CLASP1: variants seen among roughly 807,000 people sequenced by gnomAD.
CLASP1 encodes the protein CLIP-associating protein 1.
In CLASP1, 38 loss-of-function variants were observed where a neutral mutation model predicts 192.3. The observed-to-expected ratio is 0.20, with a 90% CI of 0.15 to 0.26. The LOEUF is 0.26. CLASP1 is among the 10% of genes least tolerant of loss of function. The pLI, the probability that CLASP1 is intolerant of heterozygous loss-of-function variation, is 1.00. For synonymous variants in CLASP1, 691 were observed against 712.8 expected (o/e 0.97, Z 0.49); for missense variants, 1,433 against 1,932.5 (o/e 0.74, Z 4.85).
At chr2:121,433,388 T>C (rs967002818) in intron 19 of CLASP1, among the ~76,000 whole-genome samples, 2 of 151,854 alleles carry the variant, frequency 1.3e-5, no homozygotes, top group African/African-American at 4.8e-5. Flanking sequence ...ATCATAAATG[T>C]TTGAATTTTT....
chr2:121,614,605 A>G (rs1354782483), intron 1 of CLASP1, among the ~76,000 whole-genome samples: 1 of 152,252 alleles, frequency 6.6e-6, no homozygotes, highest in Admixed American at 6.5e-5. Context: ...TCTAACACGT[A>G]TGTACTCAAT....
At chr2:121,345,092 G>C (rs949365256) in intron 39 of CLASP1, among the ~76,000 whole-genome samples, 1 of 152,218 alleles carries the variant, frequency 6.6e-6, no homozygotes, top group South Asian at 2.1e-4. Flanking sequence ...CTGGGAGACA[G>C]AGGTTGTCTG....
At chr2:121,593,626 CA>C (rs61315745) in intron 2 of CLASP1, among the ~76,000 whole-genome samples, 115 of 50,738 alleles carry the variant, frequency 2.3e-3, no homozygotes, top group East Asian at 0.014. Context: ...AACTCCGTCT[CA>C]AAAAAAAAAA....
intron 2 of CLASP1, among the ~76,000 whole-genome samples, chr2:121,581,637 C>T (rs977315355): frequency 2.0e-5 from 3 of 152,188 alleles, no homozygotes; most frequent in Non-Finnish European, 4.4e-5. Flanking sequence ...ATAATCCCAA[C>T]ACTTTGGAAG....
intron 8 of CLASP1, chr2:121,470,816 C>G (rs962515904): frequency 4.1e-6 from 1 of 243,006 alleles, no homozygotes; most frequent in African/African-American, 2.3e-5. Flanking sequence ...CTCATCCTTC[C>G]ACACCATTGC....
At chr2:121,609,849 G>A (rs942870370) in intron 1 of CLASP1, among the ~76,000 whole-genome samples, 2 of 152,192 alleles carry the variant, frequency 1.3e-5, no homozygotes, top group South Asian at 4.1e-4. Context: ...GCTGAGGCAG[G>A]AGAATCGCTT....
rs2092166753 is a variant in CLASP1 at position 121,478,844 on chromosome 2, CACACCACACACCACACCA to C, written c.713-8902_713-8885del. On this transcript the variant is annotated intron_variant, in intron 8 of 39. Transcript: ENST00000263710. ...ACAACCACACACCACACACCACACA[CACACCACACACCACACCA>C]CACACACACCACACCACACACACAC... Among the ~76,000 whole-genome samples the C allele has an allele frequency of 2.7e-5, 2 of 72,856 alleles. 1 individual carries two copies. The highest frequency in any genetic ancestry group is 1.6e-4 in the African/African-American group (2 of 12,172). 47.8% of individuals were successfully genotyped at this position (72,856 alleles called of 152,430 possible).
At chr2:121,450,971 C>T in exon 16 of CLASP1, 1 of 1,603,302 alleles carries the variant, frequency 6.2e-7, no homozygotes, top group Middle Eastern at 1.7e-4. Flanking sequence ...TTTATTGTTT[C>T]AGCTAATACT....
intron 39 of CLASP1, among the ~76,000 whole-genome samples, chr2:121,343,432 C>T (rs2063033384): frequency 2.0e-5 from 3 of 151,328 alleles, no homozygotes; most frequent in African/African-American, 7.3e-5. Flanking sequence ...GGTCTATCAA[C>T]AGATGAGCAG....
At position 121,450,965 on chromosome 2, in the gene CLASP1, T is replaced by C. The variant is rs957435710; in HGVS notation, c.1471A>G (p.Ile491Val). ...TCAGCATCATGTATTCCCTTCTTTA[T>C]TGTTTCAGCTAATACTGATATGTGT... is the stretch of plus-strand genomic sequence containing the variant. The change falls in exon 16 of 40, where the codon ATA becomes GTA. Residue 491 changes from isoleucine (I) to valine (V), a missense_variant. Transcript: ENST00000263710. The C allele has an allele frequency of 2.5e-6, 4 of 1,608,662 alleles. No homozygotes were observed. In the African/African-American group the frequency reaches 4.0e-5, roughly 16 times the overall value.
chr2:121,403,339 C>T (rs980199850), intron 26 of CLASP1: 1 of 452,384 alleles, frequency 2.2e-6, no homozygotes. Flanking sequence ...AGAGCAGGTA[C>T]TCAGTAAATG....
At chr2:121,585,027 GA>G (rs1262384809) in intron 2 of CLASP1, among the ~76,000 whole-genome samples, 1 of 152,150 alleles carries the variant, frequency 6.6e-6, no homozygotes, top group Non-Finnish European at 1.5e-5. Context: ...TTCTACACAT[GA>G]ACTCTTTTAC....
intron 20 of CLASP1, 77 bp from the exon 21 acceptor site, chr2:121,427,507 G>A: frequency 7.6e-6 from 11 of 1,454,732 alleles, no homozygotes; most frequent in Non-Finnish European, 1.1e-5. Context: ...AGGTCAGCAT[G>A]CAACACAACA....
chr2:121,502,710 T>A (rs1285294779), intron 8 of CLASP1, among the ~76,000 whole-genome samples: 1 of 152,272 alleles, frequency 6.6e-6, no homozygotes, highest in South Asian at 2.1e-4. Flanking sequence ...CTGGGTGTGA[T>A]GGGAAGTCTT....
intron 34 of CLASP1, among the ~76,000 whole-genome samples, chr2:121,370,909 A>T (rs2068536021): frequency 6.6e-6 from 1 of 152,220 alleles, no homozygotes; most frequent in Non-Finnish European, 1.5e-5. Context: ...ATATACTGAA[A>T]CAGGACACTG....
intron 2 of CLASP1, among the ~76,000 whole-genome samples, chr2:121,599,221 G>A (rs1400715847): frequency 6.6e-6 from 1 of 151,402 alleles, no homozygotes; most frequent in African/African-American, 2.4e-5. Flanking sequence ...GTTAAGAAAA[G>A]GAATAACAAC....
chr2:121,425,254 T>C, exon 22 of CLASP1: 1 of 1,613,356 alleles, frequency 6.2e-7, no homozygotes, highest in East Asian at 2.2e-5. Context: ...CCCCAGTAAG[T>C]CCACCATAAC....
In CLASP1 at chr2:121,430,143, A is replaced by G. The variant is rs373643093; in HGVS notation, c.1947T>C (p.Ser649=). The change falls in exon 20 of 40, where the codon AGT becomes AGC. Residue 649 remains serine (S), a synonymous_variant. Coordinates refer to ENST00000263710, the Ensembl canonical transcript of CLASP1. Reference sequence around the variant, plus strand: ...CAGGTGTAGAGGCGACGTTGGTGGCACTCCCAGAGCTTTGCCGTCTTGTGC... The same window carrying G: ...CAGGTGTAGAGGCGACGTTGGTGGCGCTCCCAGAGCTTTGCCGTCTTGTGC... 6.3e-6 allele frequency: 10 copies of G among 1,574,836 alleles called. No homozygotes were observed. The African/African-American group carries it at 1.2e-4, about 19-fold the overall frequency.
chr2:121,408,435 C>A (rs1451031774), intron 24 of CLASP1, among the ~76,000 whole-genome samples: 1 of 152,160 alleles, frequency 6.6e-6, no homozygotes, highest in African/African-American at 2.4e-5. Context: ...ACTTCTCTGA[C>A]CCTGAATACA....
Sources: allele counts gnomAD v4.1 joint callset (sites outside exome capture counted in the v4.1 genomes callset), GRCh38; gene constraint gnomAD v4.1.1; transcripts MANE v1.5; gene names NCBI Gene and HGNC (gene_info 2026-07-23, HGNC 2026-07-21).